The following XRN2 variants were observed in gnomAD, a reference collection of about 807,000 sequenced individuals.
XRN2 encodes the protein DHM1-like protein.
A neutral mutation model predicts 138.5 loss-of-function variants in XRN2; 44 were observed. The observed-to-expected ratio is 0.32, with a 90% CI of 0.25 to 0.41. XRN2 has a LOEUF of 0.41. Ranked by LOEUF, XRN2 falls within the 10% of genes least tolerant of loss-of-function variation. The pLI is 1.00. For missense variants in XRN2, 937 were observed against 1,169.3 expected (o/e 0.80, Z 2.90); for synonymous variants, 354 against 369.4 (o/e 0.96, Z 0.48).
chr20:21,332,914 A>G (rs1255233261), intron 9 of XRN2, among the ~76,000 whole-genome samples: 3 of 151,884 alleles, frequency 2.0e-5, no homozygotes, highest in South Asian at 2.1e-4. Context: ...CTTTTAAGTT[A>G]CTCCCACTTT....
intron 21 of XRN2, 25 bp from the exon 22 acceptor site, chr20:21,356,055 G>C (rs1308332828): frequency 1.9e-6 from 3 of 1,585,176 alleles, no homozygotes; most frequent in Non-Finnish European, 2.6e-6. Context: ...TTATGTGTAG[G>C]TCTTATTCTT....
At chr20:21,363,444 TAAC>T (rs2038660232) in intron 24 of XRN2, among the ~76,000 whole-genome samples, 1 of 152,216 alleles carries the variant, frequency 6.6e-6, no homozygotes, top group African/African-American at 2.4e-5. Context: ...CACAAATACT[TAAC>T]TACCATTTTC....
intron 27 of XRN2, among the ~76,000 whole-genome samples, chr20:21,373,883 T>C (rs372560484): frequency 4.6e-5 from 7 of 152,352 alleles, no homozygotes; most frequent in East Asian, 3.9e-4. Flanking sequence ...TAGTTTTATA[T>C]TGGAAATATC....
chr20:21,332,551 C>A, intron 9 of XRN2, 111 bp downstream of exon 9: 1 of 1,087,386 alleles, frequency 9.2e-7, no homozygotes, highest in Non-Finnish European at 1.2e-6. Flanking sequence ...AATTAAATAG[C>A]ATTAAATATT....
rs141678044 is a variant in XRN2, at chr20:21,349,262, A to G, written c.1864-127A>G. On this transcript the variant is annotated intron_variant, in intron 19 of 29. Transcript: ENST00000377191. ...GATTAATGACCTAATGTCTCTTAAC[A>G]TTTTTTAAAAGGAATGCACTTTATT... The G allele has an allele frequency of 6.9e-5, 48 of 696,838 alleles. 1 individual carries two copies. The African/African-American group carries it at 8.2e-4, about 12-fold the overall frequency. 43.2% of individuals were successfully genotyped at this position (696,838 alleles called of 1,614,324 possible). A position where few individuals can be genotyped will look rare whatever the true frequency, so the allele number is the denominator to read the frequency against.
chr20:21,324,217 C>T (rs1289414588), intron 1 of XRN2, among the ~76,000 whole-genome samples: 1 of 151,656 alleles, frequency 6.6e-6, no homozygotes, highest in East Asian at 1.9e-4. Context: ...GCCTTTTTTT[C>T]TTGATTCACA....
At chr20:21,344,289 A>ATCTGAAG in intron 16 of XRN2, 81 bp downstream of exon 16, 1 of 1,022,298 alleles carries the variant, frequency 9.8e-7, no homozygotes, top group Non-Finnish European at 1.5e-6. Context: ...AGCTTAGAGC[A>ATCTGAAG]GCAGTGCCTT....
rs1295633893 is a variant in XRN2 at position 21,386,956 on chromosome 20, GCTGGGC to G, written c.2742_2747del (p.Pro915_Gly916del). The G allele has an allele frequency of 6.2e-7, 1 of 1,613,840 alleles. No homozygotes were observed. The highest frequency in any genetic ancestry group is 2.2e-5 in the East Asian group (1 of 44,894). ...CCAGCCAAACCAGTACCAGATGCTA[GCTGGGC>G]CTGGTGGGTATCCACCCAGACGAGA... On this transcript the variant is annotated inframe_deletion, in exon 29 of 30. Transcript: ENST00000377191.
rs776440296 is a variant in XRN2, at chr20:21,344,102, T to C, written c.1423T>C (p.Ser475Pro). The change falls in exon 16 of 30, where the codon TCT becomes CCT. Residue 475 changes from serine (S) to proline (P), a missense_variant. Ser to Pro is a moderately conservative substitution (Grantham distance 74, BLOSUM62 -1). This residue lies in a region of XRN2 where 471 missense variants were observed against 581.2 expected (regional missense o/e 0.81). Transcript: ENST00000377191. ...TCATTGTCTGCAGAGTCCTTCGATA[T>C]CTCCTAATACGAGTTTCACATCTGA... ...RMQNNSSPSI[S>P]PNTSFTSDGS... The C allele has an allele frequency of 8.1e-6, 13 of 1,610,126 alleles. No homozygotes were observed. The highest frequency in any genetic ancestry group is 4.0e-5 in the African/African-American group (3 of 74,958).
intron 17 of XRN2, among the ~76,000 whole-genome samples, 172 bp from the exon 18 acceptor site, chr20:21,347,974 T>C (rs1016173519): frequency 3.9e-5 from 6 of 152,238 alleles, no homozygotes; most frequent in African/African-American, 1.4e-4. Flanking sequence ...AACTTCAAAC[T>C]TAAGGAATTT....
chr20:21,372,100 G>T (rs1211213584), intron 27 of XRN2, among the ~76,000 whole-genome samples: 3 of 152,150 alleles, frequency 2.0e-5, no homozygotes, highest in Non-Finnish European at 4.4e-5. Context: ...AAAAAATTGG[G>T]AGATATGTTT....
At chr20:21,375,829 TTTTA>T (rs1555788112) in intron 27 of XRN2, among the ~76,000 whole-genome samples, 10 of 135,902 alleles carry the variant, frequency 7.4e-5, no homozygotes, top group African/African-American at 2.5e-4. Context: ...TTTATTTATT[TTTTA>T]TTTATTTATT....
At chr20:21,347,450 G>A (rs1214857354) in intron 17 of XRN2, among the ~76,000 whole-genome samples, 1 of 152,146 alleles carries the variant, frequency 6.6e-6, no homozygotes, top group East Asian at 1.9e-4. Context: ...GTGTGACCTG[G>A]GAATAGATGA....
At chr20:21,324,709 C>T (rs561120356) in intron 1 of XRN2, among the ~76,000 whole-genome samples, 5 of 152,290 alleles carry the variant, frequency 3.3e-5, no homozygotes, top group Admixed American at 3.3e-4. Context: ...TCATAGCTCA[C>T]GGCAGCCTTG....
At chr20:21,320,131 T>G (rs1288900177) in intron 1 of XRN2, among the ~76,000 whole-genome samples, 1 of 152,116 alleles carries the variant, frequency 6.6e-6, no homozygotes, top group Non-Finnish European at 1.5e-5. Context: ...TTGATCTGAG[T>G]CTTTATGTCA....
At chr20:21,333,663 C>A (rs184552659) in intron 10 of XRN2, 41 bp from the exon 11 acceptor site, 4 of 1,613,784 alleles carry the variant, frequency 2.5e-6, no homozygotes, top group Admixed American at 3.3e-5. Flanking sequence ...AAGCAGGGTG[C>A]CTTTGATAGC....
At chr20:21,326,205 T>C (rs1415202047) in intron 1 of XRN2, 74 bp from the exon 2 acceptor site, 1 of 1,446,394 alleles carries the variant, frequency 6.9e-7, no homozygotes, top group Non-Finnish European at 9.4e-7. Context: ...GAAACACAAG[T>C]TCATATTGAG....
intron 1 of XRN2, among the ~76,000 whole-genome samples, chr20:21,321,102 A>G (rs909201448): frequency 6.6e-6 from 1 of 152,040 alleles, no homozygotes; most frequent in African/African-American, 2.4e-5. Context: ...TGCATCCTCA[A>G]CTTCCGGGGC....
chr20:21,372,498 G>T (rs1472658616), intron 27 of XRN2, among the ~76,000 whole-genome samples: 1 of 152,136 alleles, frequency 6.6e-6, no homozygotes, highest in Non-Finnish European at 1.5e-5. Context: ...TTTTTAAAAT[G>T]CATTTTTAAC....
Sources: gnomAD v4.1 joint callset for allele counts (sites outside exome capture counted in the v4.1 genomes callset) on GRCh38, gnomAD v4.1.1 for gene constraint, gnomAD v4.1.1 regional missense constraint, MANE v1.5 for transcripts, NCBI Gene and HGNC (gene_info 2026-07-23, HGNC 2026-07-21) for gene names.